Variants in RAPGEF6 observed in about 807,000 individuals in gnomAD.
The protein encoded by RAPGEF6 is Rap guanine nucleotide exchange factor 6, also known as PDZ domain containing guanine nucleotide exchange factor (GEF) 2.
A neutral mutation model predicts 171.4 loss-of-function variants in RAPGEF6; 56 were observed. The ratio of observed to expected loss-of-function variants is 0.33; its 90% CI spans 0.26 to 0.41. The LOEUF (loss-of-function observed/expected upper bound fraction) is 0.41. RAPGEF6 is among the 10% of genes least tolerant of loss of function. The pLI is 1.00. For missense variants in RAPGEF6, 1,674 were observed against 1,921.4 expected, an observed-to-expected ratio of 0.87 and a Z score of 2.41; for synonymous variants, 692 against 650.1, an observed-to-expected ratio of 1.06 and a Z score of -0.98.
chr5:131,576,284 C>T (rs552518913), intron 4 of RAPGEF6, among the ~76,000 whole-genome samples: 6 of 152,298 alleles, frequency 3.9e-5, no homozygotes, highest in African/African-American at 1.4e-4. Flanking sequence ...GTAGTGTCTT[C>T]CACATCTGTC....
At chr5:131,504,893 T>G (rs1251131538) in intron 10 of RAPGEF6, 115 bp from the exon 11 acceptor site, 1 of 973,174 alleles carries the variant, frequency 1.0e-6, no homozygotes, top group South Asian at 2.1e-5. Flanking sequence ...CTTTTTCACT[T>G]AATTCCTTTA....
At chr5:131,547,989 A>G (rs1242348008) in intron 6 of RAPGEF6, 58 bp downstream of exon 6, 1 of 1,554,082 alleles carries the variant, frequency 6.4e-7, no homozygotes, top group East Asian at 2.3e-5. Context: ...CATGTAAATT[A>G]AAGATACTAG....
intron 21 of RAPGEF6, among the ~76,000 whole-genome samples, chr5:131,452,055 C>G (rs1270218761): frequency 6.6e-6 from 1 of 152,192 alleles, no homozygotes; most frequent in East Asian, 1.9e-4. Context: ...CTTGTCTCTA[C>G]TAAAAATACA....
intron 25 of RAPGEF6, among the ~76,000 whole-genome samples, chr5:131,432,897 T>C (rs1751794933): frequency 6.6e-6 from 1 of 152,206 alleles, no homozygotes; most frequent in African/African-American, 2.4e-5. Flanking sequence ...ACAATATTTA[T>C]CAGTTAGAAT....
Position 131,429,189 on chromosome 5 carries a change from T to C in RAPGEF6, c.4493A>G (p.Asp1498Gly). 6.2e-7 allele frequency: 1 copy of C among 1,612,260 alleles called. No individual in the cohort carries two copies. The highest frequency in any genetic ancestry group is 8.5e-7 in the Non-Finnish European group (1 of 1,178,600). Residue 1498 changes from aspartate to glycine, a missense_variant, in exon 27 of 28, where the codon GAC becomes GGC. Asp to Gly is a moderately conservative substitution (Grantham distance 94). Coordinates refer to ENST00000509018, the MANE Select transcript of RAPGEF6 (RefSeq NM_016340.6). ...IVYCVTSPKK[D>G]DRYREPPPTP... ...GGGAGGTGGCTCCCTATACCTATCGTCCTTCTTGGGTGAGGTGACACAGTA... is the reference window on the plus strand; with the variant it reads ...GGGAGGTGGCTCCCTATACCTATCGCCCTTCTTGGGTGAGGTGACACAGTA...
intron 4 of RAPGEF6, among the ~76,000 whole-genome samples, chr5:131,584,849 G>A (rs913427766): frequency 2.6e-5 from 4 of 152,194 alleles, no homozygotes; most frequent in Non-Finnish European, 4.4e-5. Flanking sequence ...CCCACAGGGC[G>A]TGGCCAGCCT....
At chr5:131,552,108 G>A (rs1221703941) in intron 5 of RAPGEF6, among the ~76,000 whole-genome samples, 1 of 152,020 alleles carries the variant, frequency 6.6e-6, no homozygotes, top group African/African-American at 2.4e-5. Flanking sequence ...GATGTTTGTA[G>A]GGAGTGAAAT....
chr5:131,495,780 T>A, intron 12 of RAPGEF6, 120 bp from the exon 13 acceptor site: 1 of 1,382,756 alleles, frequency 7.2e-7, no homozygotes, highest in Non-Finnish European at 9.6e-7. Flanking sequence ...CCCTCCCTTG[T>A]GTAAAAAAGG....
At chr5:131,605,304 G>C (rs1271524473) in intron 1 of RAPGEF6, among the ~76,000 whole-genome samples, 1 of 152,134 alleles carries the variant, frequency 6.6e-6, no homozygotes, top group East Asian at 1.9e-4. Context: ...AAGAGCAGTG[G>C]CATAGCAGAA....
intron 23 of RAPGEF6, among the ~76,000 whole-genome samples, 163 bp from the exon 24 acceptor site, chr5:131,439,878 C>T (rs541464867): frequency 6.6e-6 from 1 of 152,274 alleles, no homozygotes; most frequent in Admixed American, 6.5e-5. Flanking sequence ...TAATGGCATA[C>T]AGAGATTCTC....
chr5:131,452,703 T>G (rs1189275617), intron 21 of RAPGEF6, among the ~76,000 whole-genome samples: 1 of 151,904 alleles, frequency 6.6e-6, no homozygotes, highest in Non-Finnish European at 1.5e-5. Context: ...CCTGACCTTG[T>G]GATCCGCCTG....
chr5:131,510,245 G>C (rs1232754034), intron 8 of RAPGEF6, 69 bp downstream of exon 8: 15 of 1,402,364 alleles, frequency 1.1e-5, no homozygotes, highest in Non-Finnish European at 1.4e-5. Context: ...AGAATAATTT[G>C]TTATGCAGAA....
chr5:131,508,203 T>A lies in RAPGEF6; in HGVS notation c.810A>T (p.Gln270His). The A allele has an allele frequency of 6.2e-7, 1 of 1,608,524 alleles. No individual in the cohort carries two copies. The highest frequency in any genetic ancestry group is 1.7e-4 in the Middle Eastern group (1 of 6,038). The change falls in exon 9 of 28, where the codon CAA becomes CAT. Residue 270 changes from glutamine (Q) to histidine (H), a missense_variant. Physicochemically the swap from Gln to His is conservative, Grantham distance 24 (BLOSUM62 0). Around this residue, in one of 3 missense-constraint regions of RAPGEF6, gnomAD observed 1,116 missense variants for 1,321.5 expected, o/e 0.84. Transcript: ENST00000509018. ...PADKTDDDIE[Q>H]LLEFMHQLPA... is the part of the protein sequence containing the mutation. Reference sequence around the variant, plus strand: ...GGAGCTGGTGCATAAACTCCAGCAATTGTTCTATAAGAAAACAGAAATTCT... The same window carrying A: ...GGAGCTGGTGCATAAACTCCAGCAAATGTTCTATAAGAAAACAGAAATTCT...
At chr5:131,615,674 C>T (rs993601219) in intron 1 of RAPGEF6, among the ~76,000 whole-genome samples, 27 of 151,914 alleles carry the variant, frequency 1.8e-4, no homozygotes, top group Admixed American at 9.8e-4. Flanking sequence ...GCAGAGTGGG[C>T]GGATTACTTG....
In RAPGEF6 at chr5:131,506,239, C is replaced by T. The variant is rs545368013; in HGVS notation, c.943-717G>A. Among the ~76,000 whole-genome samples, 12 of 152,310 alleles carry T rather than the reference C, an allele frequency of 7.9e-5. No homozygotes were observed. In the South Asian group the frequency reaches 2.5e-3, roughly 32 times the overall value. On this transcript the variant is annotated intron_variant, in intron 9 of 27. Coordinates refer to ENST00000509018, the MANE Select transcript of RAPGEF6 (RefSeq NM_016340.6). ...CACTGTAGCTTCAAAGTCTTGCACT[C>T]AAGTGATCCTCCTGCCTCAGCCTTC...
chr5:131,555,944 G>T (rs1761210629), intron 5 of RAPGEF6, among the ~76,000 whole-genome samples: 1 of 152,104 alleles, frequency 6.6e-6, no homozygotes, highest in African/African-American at 2.4e-5. Context: ...ATATAGTATG[G>T]CCTATTGGTC....
intron 19 of RAPGEF6, among the ~76,000 whole-genome samples, chr5:131,458,552 A>AT (rs1367283327): frequency 2.2e-4 from 34 of 152,384 alleles, no homozygotes; most frequent in South Asian, 6.2e-4. Flanking sequence ...AACAAGTGGA[A>AT]TAAGTGTTCT....
chr5:131,444,568 A>G (rs1752571728), intron 22 of RAPGEF6, among the ~76,000 whole-genome samples: 1 of 152,232 alleles, frequency 6.6e-6, no homozygotes, highest in Non-Finnish European at 1.5e-5. Flanking sequence ...TCAATTATGC[A>G]TTATAAAGAT....
chr5:131,449,652 G>A (rs1752933255), intron 21 of RAPGEF6, among the ~76,000 whole-genome samples: 2 of 152,098 alleles, frequency 1.3e-5, no homozygotes, highest in Admixed American at 1.3e-4. Flanking sequence ...TCCATACTAT[G>A]GAAAGAAAAG....
Sources: allele counts gnomAD v4.1 joint callset (sites outside exome capture counted in the v4.1 genomes callset), GRCh38; gene constraint gnomAD v4.1.1; regional missense constraint gnomAD v4.1.1; transcripts MANE v1.5; gene names NCBI Gene and HGNC (gene_info 2026-07-23, HGNC 2026-07-21).